Variants in GABBR2 observed in about 807,000 individuals in gnomAD.
GABBR2 encodes gamma-aminobutyric acid type B receptor subunit 2.
Under a neutral mutation model 105.6 loss-of-function variants are expected in GABBR2, and 23 were observed. The observed-to-expected ratio is 0.22, with a 90% confidence interval of 0.16 to 0.31. GABBR2 has a LOEUF of 0.31. Ranked by LOEUF, GABBR2 falls within the 10% of genes least tolerant of loss-of-function variation. GABBR2 has a pLI of 1.00. For synonymous variants in GABBR2, 478 were observed against 499.7 expected, an observed-to-expected ratio of 0.96 and a Z score of 0.58; for missense variants, 734 against 1,245.5, an observed-to-expected ratio of 0.59 and a Z score of 6.18.
intron 8 of GABBR2, among the ~76,000 whole-genome samples, chr9:98,395,366 G>A (rs1832267958): frequency 6.6e-6 from 1 of 152,156 alleles, no homozygotes; most frequent in Non-Finnish European, 1.5e-5. Flanking sequence ...TGCCTGTGGA[G>A]CATCAAGGCA....
intron 7 of GABBR2, among the ~76,000 whole-genome samples, chr9:98,427,448 C>T (rs10986205): frequency 2.6e-4 from 40 of 152,288 alleles, no homozygotes; most frequent in Non-Finnish European, 5.9e-5. Flanking sequence ...ATTTATTTTT[C>T]TTGCTCAGCA....
At chr9:98,305,276 AT>A (rs1482432909) in intron 15 of GABBR2, among the ~76,000 whole-genome samples, 1 of 152,166 alleles carries the variant, frequency 6.6e-6, no homozygotes, top group African/African-American at 2.4e-5. Context: ...AAAAACAGTT[AT>A]TTTTTTGGAC....
chr9:98,347,767 G>T (rs1222991913), intron 13 of GABBR2, among the ~76,000 whole-genome samples: 2 of 152,050 alleles, frequency 1.3e-5, no homozygotes, highest in African/African-American at 4.8e-5. Flanking sequence ...AGAAATAGGG[G>T]TTGATATGGT....
At chr9:98,612,317 C>A (rs566701129) in intron 1 of GABBR2, among the ~76,000 whole-genome samples, 1 of 152,222 alleles carries the variant, frequency 6.6e-6, no homozygotes, top group East Asian at 1.9e-4. Flanking sequence ...AGAATAACGG[C>A]ATTTTTTTCA....
In GABBR2 at chr9:98,293,868, A is replaced by G; in HGVS notation, c.2577T>C (p.Asp859=). ...TGTTCCACTGTAGCTGGGGATTTTG[A>G]TCGAGGTGATTTTTTAAAATGGCCT... The part of the protein sequence containing the change: ...GGKAILKNHL[D]QNPQLQWNTT... The change falls in exon 18 of 19, where the codon GAT becomes GAC. Residue 859 remains aspartate (D), a synonymous_variant. Transcript: ENST00000259455. 1.2e-6 allele frequency: 2 copies of G among 1,612,486 alleles called. No homozygotes were observed. The highest frequency in any genetic ancestry group is 1.7e-6 in the Non-Finnish European group (2 of 1,178,558).
chr9:98,488,285 G>A (rs1000802879), intron 4 of GABBR2, among the ~76,000 whole-genome samples: 2 of 152,150 alleles, frequency 1.3e-5, no homozygotes. Context: ...GCCTTACCTT[G>A]GGCTTATCCT....
At chr9:98,393,161 T>TCCATCCATCCACTCATCCACCAAC (rs1302455792) in intron 9 of GABBR2, among the ~76,000 whole-genome samples, 4 of 5,502 alleles carry the variant, frequency 7.3e-4, no homozygotes, top group African/African-American at 1.2e-3. Context: ...CACCAACCCA[T>TCCATCCATCCACTCATCCACCAAC]CCATCCATCC....
At chr9:98,505,040 C>T (rs2131684695) in intron 3 of GABBR2, among the ~76,000 whole-genome samples, 1 of 152,334 alleles carries the variant, frequency 6.6e-6, no homozygotes, top group South Asian at 2.1e-4. Context: ...GGAGCACCAA[C>T]AGGTAAGATG....
chr9:98,468,751 G>A (rs1249380249), intron 6 of GABBR2, among the ~76,000 whole-genome samples: 3 of 152,110 alleles, frequency 2.0e-5, no homozygotes, highest in African/African-American at 7.2e-5. Flanking sequence ...TGCTGAGGTT[G>A]CAGATTAAGT....
At chr9:98,539,929 A>G (rs10986647) in intron 3 of GABBR2, among the ~76,000 whole-genome samples, 13,366 of 151,484 alleles carry the variant, frequency 0.088, 807 homozygotes, top group South Asian at 0.16. Context: ...AAAAAAAAAA[A>G]AAAGAAAAAG....
intron 1 of GABBR2, among the ~76,000 whole-genome samples, chr9:98,662,406 G>A (rs959113649): frequency 6.6e-6 from 1 of 152,138 alleles, no homozygotes; most frequent in African/African-American, 2.4e-5. Context: ...CAATGTGCTG[G>A]GGAAAGATGA....
chr9:98,346,201 A>G (rs966331237), intron 13 of GABBR2, among the ~76,000 whole-genome samples: 18 of 152,318 alleles, frequency 1.2e-4, no homozygotes, highest in Admixed American at 1.0e-3. Flanking sequence ...ATTTCTTTGT[A>G]TCATGCAATG....
intron 3 of GABBR2, among the ~76,000 whole-genome samples, chr9:98,512,979 G>A (rs936588467): frequency 6.4e-4 from 97 of 151,396 alleles, no homozygotes; most frequent in Non-Finnish European, 1.2e-3. Flanking sequence ...CAAAGCTGGA[G>A]GCATCACGCT....
At chr9:98,695,464 G>A (rs1830737473) in intron 1 of GABBR2, among the ~76,000 whole-genome samples, 1 of 152,086 alleles carries the variant, frequency 6.6e-6, no homozygotes. Context: ...GAAATGGATG[G>A]GGCTTAAAAA....
chr9:98,378,437 C>A (rs1038416464), intron 11 of GABBR2, among the ~76,000 whole-genome samples: 2 of 152,178 alleles, frequency 1.3e-5, no homozygotes, highest in African/African-American at 4.8e-5. Flanking sequence ...AGCCCAGGAG[C>A]TCCTTCCCTC....
At chr9:98,539,058 CA>C (rs1828238995) in intron 3 of GABBR2, among the ~76,000 whole-genome samples, 1 of 152,210 alleles carries the variant, frequency 6.6e-6, no homozygotes, top group Admixed American at 6.5e-5. Flanking sequence ...ATGTGCTACC[CA>C]ACAGTCAAGA....
At chr9:98,609,971 C>T (rs1015914639) in intron 1 of GABBR2, among the ~76,000 whole-genome samples, 12 of 152,212 alleles carry the variant, frequency 7.9e-5, no homozygotes, top group African/African-American at 1.2e-4. Flanking sequence ...GAAACCCAGA[C>T]ACGGAGGCTG....
At chr9:98,460,518 G>T (rs1826405219) in intron 6 of GABBR2, among the ~76,000 whole-genome samples, 1 of 151,852 alleles carries the variant, frequency 6.6e-6, no homozygotes, top group Non-Finnish European at 1.5e-5. Flanking sequence ...TTGAAATAAA[G>T]AATTCAATAG....
At chr9:98,386,991 C>G (rs903963882) in intron 10 of GABBR2, among the ~76,000 whole-genome samples, 4 of 152,122 alleles carry the variant, frequency 2.6e-5, no homozygotes, top group African/African-American at 7.2e-5. Context: ...ACACATGAAG[C>G]TGAGATGACG....
Sources: allele counts gnomAD v4.1 joint callset (sites outside exome capture counted in the v4.1 genomes callset), GRCh38; gene constraint gnomAD v4.1.1; transcripts MANE v1.5; gene names NCBI Gene and HGNC (gene_info 2026-07-23, HGNC 2026-07-21).